The following HIBADH variants were observed in gnomAD, a reference collection of about 807,000 sequenced individuals.
The protein encoded by HIBADH is 3-hydroxyisobutyrate dehydrogenase, also known as 3-hydroxyisobutyrate dehydrogenase, mitochondrial.
In HIBADH, 25 loss-of-function variants were observed where a neutral mutation model predicts 36.1. That is an observed-to-expected ratio of 0.69 (90% CI 0.50 to 0.97). The LOEUF (loss-of-function observed/expected upper bound fraction) is 0.97, where lower values mean the gene tolerates loss of function less well. Among genes scored for constraint, HIBADH ranks in the 50% least tolerant of loss-of-function variants. HIBADH has a pLI of 0.00. For missense variants in HIBADH, 421 were observed against 418.0 expected, an observed-to-expected ratio of 1.01 and a Z score of -0.06; for synonymous variants, 160 against 149.5, an observed-to-expected ratio of 1.07 and a Z score of -0.51.
chr7:27,572,159 A>ATCAGCATTTGCT (rs1361730499), intron 4 of HIBADH, among the ~76,000 whole-genome samples: 1 of 152,204 alleles, frequency 6.6e-6, no homozygotes, highest in African/African-American at 2.4e-5. Context: ...GTTTTCTGGA[A>ATCAGCATTTGCT]TCAGCATTTG....
At chr7:27,548,003 T>C (rs773759845) in intron 4 of HIBADH, among the ~76,000 whole-genome samples, 1 of 152,140 alleles carries the variant, frequency 6.6e-6, no homozygotes, top group Non-Finnish European at 1.5e-5. Flanking sequence ...TCAGAAACAT[T>C]GAACTCATTT....
At chr7:27,545,604 A>G (rs557838163) in intron 4 of HIBADH, among the ~76,000 whole-genome samples, 137 of 152,250 alleles carry the variant, frequency 9.0e-4, no homozygotes, top group Non-Finnish European at 1.6e-3. Flanking sequence ...GAAATTTATT[A>G]CAATGACACG....
chr7:27,558,901 A>G (rs1447343788), intron 4 of HIBADH, among the ~76,000 whole-genome samples: 2 of 152,168 alleles, frequency 1.3e-5, no homozygotes, highest in African/African-American at 4.8e-5. Context: ...CAAGTTTGAA[A>G]TGGTAGCTGT....
At chr7:27,608,722 T>C (rs1013470847) in intron 4 of HIBADH, among the ~76,000 whole-genome samples, 3 of 152,174 alleles carry the variant, frequency 2.0e-5, no homozygotes, top group East Asian at 1.9e-4. Context: ...GAAAAATAAA[T>C]TGTACATAAG....
At chr7:27,546,559 G>A (rs192683948) in intron 4 of HIBADH, among the ~76,000 whole-genome samples, 40 of 152,170 alleles carry the variant, frequency 2.6e-4, no homozygotes, top group Admixed American at 1.9e-3. Context: ...GGTTTGGGCC[G>A]CACCTATAAA....
chr7:27,622,979 A>G (rs1115347), intron 4 of HIBADH, among the ~76,000 whole-genome samples: 108,881 of 152,014 alleles, frequency 0.72, 39,124 homozygotes, highest in East Asian at 0.94. Flanking sequence ...CTACAGGCCT[A>G]TATACCTGAT....
chr7:27,604,359 G>A (rs990005103), intron 4 of HIBADH, among the ~76,000 whole-genome samples: 1 of 151,752 alleles, frequency 6.6e-6, no homozygotes, highest in Non-Finnish European at 1.5e-5. Flanking sequence ...GCTGAGCCAA[G>A]AAACCTCAAT....
intron 4 of HIBADH, among the ~76,000 whole-genome samples, chr7:27,561,196 T>C (rs1446189058): frequency 6.6e-6 from 1 of 152,152 alleles, no homozygotes; most frequent in Non-Finnish European, 1.5e-5. Flanking sequence ...ACTGTGTACT[T>C]TATATTGGAA....
At chr7:27,567,497 T>C (rs1204756743) in intron 4 of HIBADH, among the ~76,000 whole-genome samples, 1 of 152,172 alleles carries the variant, frequency 6.6e-6, no homozygotes, top group African/African-American at 2.4e-5. Context: ...ATTGATAGGT[T>C]TGGATTTAAG....
intron 1 of HIBADH, among the ~76,000 whole-genome samples, chr7:27,652,705 G>GT (rs1454596922): frequency 6.6e-6 from 1 of 152,180 alleles, no homozygotes; most frequent in Non-Finnish European, 1.5e-5. Flanking sequence ...TCCTCACATG[G>GT]TAGAGAGCAG....
intron 4 of HIBADH, among the ~76,000 whole-genome samples, chr7:27,567,455 G>T (rs1227431947): frequency 2.0e-5 from 3 of 151,904 alleles, no homozygotes; most frequent in Non-Finnish European, 4.4e-5. Context: ...CTTTTAGTTG[G>T]TGTATTTAGG....
At chr7:27,629,915 C>T (rs1056169887) in intron 3 of HIBADH, among the ~76,000 whole-genome samples, 7 of 151,742 alleles carry the variant, frequency 4.6e-5, no homozygotes, top group African/African-American at 1.7e-4. Context: ...CTTTAACAAG[C>T]CATACTGCAA....
intron 7 of HIBADH, 99 bp downstream of exon 7, chr7:27,531,093 T>C: frequency 2.4e-6 from 3 of 1,263,156 alleles, no homozygotes; most frequent in Non-Finnish European, 3.3e-6. Context: ...ATTTTGCCTC[T>C]TACCTGAGAC....
rs1409336359 is a variant in HIBADH at position 27,525,958 on chromosome 7, G to T, written c.*256C>A. The T allele has an allele frequency of 8.1e-6, 2 of 247,142 alleles. No individual in the cohort carries two copies. Among genetic ancestry groups the T allele is most frequent in the Non-Finnish European group, 1.5e-5 (2 of 130,446 alleles). 15.3% of individuals were successfully genotyped at this position (247,142 alleles called of 1,614,324 possible). ...AATGATTTAGTTGAGGATGCTTGGG[G>T]ATCAAACTTTGTAAAAAGGTCAATT... On this transcript the variant is annotated 3_prime_UTR_variant, in exon 8 of 8. Transcript: ENST00000265395.
intron 4 of HIBADH, among the ~76,000 whole-genome samples, chr7:27,551,946 G>A (rs1019933012): frequency 1.3e-5 from 2 of 152,182 alleles, no homozygotes; most frequent in Non-Finnish European, 2.9e-5. Flanking sequence ...CTCACAAGGG[G>A]CTGCTGTCAC....
At chr7:27,572,044 T>C (rs2128188201) in intron 4 of HIBADH, among the ~76,000 whole-genome samples, 1 of 152,318 alleles carries the variant, frequency 6.6e-6, no homozygotes, top group Non-Finnish European at 1.5e-5. Context: ...CATTTGGCTT[T>C]GTTGGGGCCT....
At chr7:27,568,921 A>ATTTTTTT (rs70994661) in intron 4 of HIBADH, among the ~76,000 whole-genome samples, 1 of 144,304 alleles carries the variant, frequency 6.9e-6, no homozygotes, top group Non-Finnish European at 1.5e-5. Context: ...TTTTTTCCAA[A>ATTTTTTT]TTTTTTTTTT....
intron 2 of HIBADH, among the ~76,000 whole-genome samples, chr7:27,646,443 C>A (rs1231230850): frequency 6.6e-6 from 1 of 152,184 alleles, no homozygotes; most frequent in Non-Finnish European, 1.5e-5. Context: ...GAGAGGTATA[C>A]ATTCCAAGAC....
rs567048835 is a variant in HIBADH, at chr7:27,580,854, G to A, written c.485-37754C>T. On this transcript the variant is annotated intron_variant, in intron 4 of 7. Transcript: ENST00000265395. ...TGGGGAAGAAGGTAAGAGAGGTGGA[G>A]ATCAAAGCAGAAGTAGAAAGGCTGA... Among the ~76,000 whole-genome samples, 28 of 152,274 alleles carry A rather than the reference G, an allele frequency of 1.8e-4. 1 individual carries two copies. In the East Asian group the frequency reaches 5.2e-3, roughly 28 times the overall value.
Sources: allele counts gnomAD v4.1 joint callset (sites outside exome capture counted in the v4.1 genomes callset), GRCh38; gene constraint gnomAD v4.1.1; transcripts MANE v1.5; gene names NCBI Gene and HGNC (gene_info 2026-07-23, HGNC 2026-07-21).